The following TMEM123 variants were observed in gnomAD, a reference collection of about 807,000 sequenced individuals.
TMEM123 encodes porimin.
Under a neutral mutation model 19.7 loss-of-function variants are expected in TMEM123, and 16 were observed. The ratio of observed to expected loss-of-function variants is 0.81; its 90% CI spans 0.55 to 1.23. The LOEUF is 1.23. Among genes scored for constraint, TMEM123 ranks in the 50% most tolerant of loss-of-function variants. The probability of loss-of-function intolerance (pLI) is 0.00; values close to 1 mark genes in which losing one functional copy is unlikely to be tolerated. For missense variants in TMEM123, 313 were observed against 257.8 expected (o/e 1.21, Z -1.47); for synonymous variants, 118 against 99.4 (o/e 1.19, Z -1.12).
At chr11:102,448,158 T>C in intron 2 of TMEM123, 1 of 448,530 alleles carries the variant, frequency 2.2e-6, no homozygotes, top group African/African-American at 2.0e-5. Flanking sequence ...TGTACCTTTT[T>C]CTAGTTTCCA....
At position 102,401,465 on chromosome 11, in the gene TMEM123, G is replaced by T. The variant is rs558461906; in HGVS notation, c.602+74C>A. 1.2e-4 allele frequency: 166 copies of T among 1,366,072 alleles called. No homozygotes were observed. The African/African-American group carries it at 2.2e-3, about 18-fold the overall frequency. The allele number at this position is 1,366,072 out of a possible 1,614,324, so 84.6% of individuals were successfully genotyped here. ...TTATTCATCCCTGAGATGAGCACTG[G>T]CTTGATATTCTATCATAATTAAAGA... On this transcript the variant is annotated intron_variant, in intron 4 of 4. Transcript: ENST00000398136.
At chr11:102,444,721 CAT>C (rs762975971) in intron 2 of TMEM123, among the ~76,000 whole-genome samples, 71 of 151,930 alleles carry the variant, frequency 4.7e-4, no homozygotes, top group African/African-American at 7.7e-4. Flanking sequence ...CATGCACACA[CAT>C]GTTTATTGCA....
chr11:102,431,768 T>C (rs973349048), intron 2 of TMEM123, among the ~76,000 whole-genome samples: 1 of 152,224 alleles, frequency 6.6e-6, no homozygotes, highest in African/African-American at 2.4e-5. Context: ...AAATCTCATC[T>C]TGAATTGTAA....
At chr11:102,447,675 A>G (rs1490674059) in intron 2 of TMEM123, among the ~76,000 whole-genome samples, 1 of 152,210 alleles carries the variant, frequency 6.6e-6, no homozygotes, top group African/African-American at 2.4e-5. Flanking sequence ...CCCTCTCACA[A>G]CTACCCAATG....
chr11:102,418,292 C>T (rs1029545738), intron 2 of TMEM123, among the ~76,000 whole-genome samples: 6 of 152,046 alleles, frequency 3.9e-5, no homozygotes, highest in African/African-American at 1.2e-4. Flanking sequence ...ATGCATCTGA[C>T]AAAGGTCTAA....
chr11:102,452,726 G>C lies in TMEM123; in HGVS notation c.-103C>G, dbSNP rs1443162969. Reference sequence around the variant, plus strand: ...CCGGCGCCGGCTCCGCTTCCCCTTCGGCCGCGCACGTTTCCCCTCCCGCCG... The same window carrying C: ...CCGGCGCCGGCTCCGCTTCCCCTTCCGCCGCGCACGTTTCCCCTCCCGCCG... On this transcript the variant is annotated 5_prime_UTR_variant, in exon 1 of 5. Coordinates refer to ENST00000398136, the MANE Select transcript of TMEM123 (RefSeq NM_052932.3). The C allele has an allele frequency of 1.0e-5, 9 of 892,296 alleles. No individual in the cohort carries two copies. In the East Asian group the frequency reaches 2.7e-4, roughly 27 times the overall value. The allele number at this position is 892,296 out of a possible 1,614,324, so 55.3% of individuals were successfully genotyped here. A position where few individuals can be genotyped will look rare whatever the true frequency, so the allele number is the denominator to read the frequency against.
rs1951868147 is a variant in TMEM123 at position 102,397,578 on chromosome 11, ACTT to A, written c.*1286_*1288del. On this transcript the variant is annotated 3_prime_UTR_variant, in exon 5 of 5. Transcript: ENST00000398136. ...CCATTAACATAATGCATCTGAGAGT[ACTT>A]CTCCTTCAGCATGGAGTAAGAGGAG... 1 of 152,204 alleles carries A rather than the reference ACTT, an allele frequency of 6.6e-6. No individual in the cohort carries two copies. The highest frequency in any genetic ancestry group is 1.5e-5 in the Non-Finnish European group (1 of 68,020). 9.4% of individuals were successfully genotyped at this position (152,204 alleles called of 1,614,324 possible).
At chr11:102,439,796 A>C (rs1857805369) in intron 2 of TMEM123, among the ~76,000 whole-genome samples, 2 of 152,252 alleles carry the variant, frequency 1.3e-5, no homozygotes, top group East Asian at 1.9e-4. Context: ...AAGAAGCTAA[A>C]AACCTTGAAA....
In TMEM123 at chr11:102,452,732, G is replaced by T; in HGVS notation, c.-109C>A. 5.9e-6 allele frequency: 5 copies of T among 845,742 alleles called. No homozygotes were observed. The South Asian group carries it at 9.4e-5, about 16-fold the overall frequency. The allele number at this position is 845,742 out of a possible 1,614,324, so 52.4% of individuals were successfully genotyped here. A position where few individuals can be genotyped will look rare whatever the true frequency, so the allele number is the denominator to read the frequency against. On this transcript the variant is annotated 5_prime_UTR_variant, in exon 1 of 5. Coordinates refer to ENST00000398136, the MANE Select transcript of TMEM123 (RefSeq NM_052932.3). ...CCGGCTCCGCTTCCCCTTCGGCCGCGCACGTTTCCCCTCCCGCCGCTTGCC... is the reference window on the plus strand; with the variant it reads ...CCGGCTCCGCTTCCCCTTCGGCCGCTCACGTTTCCCCTCCCGCCGCTTGCC...
intron 2 of TMEM123, among the ~76,000 whole-genome samples, chr11:102,416,096 G>A (rs1255492968): frequency 6.6e-6 from 1 of 152,060 alleles, no homozygotes; most frequent in Admixed American, 6.5e-5. Context: ...TGTATTTTTA[G>A]TAGAGACAGA....
At chr11:102,421,516 C>G (rs1952086866) in intron 2 of TMEM123, among the ~76,000 whole-genome samples, 1 of 149,050 alleles carries the variant, frequency 6.7e-6, no homozygotes, top group South Asian at 2.1e-4. Context: ...GATATTCAGT[C>G]AGCAAAAAAA....
intron 2 of TMEM123, among the ~76,000 whole-genome samples, chr11:102,418,191 G>A (rs1952057159): frequency 6.6e-6 from 1 of 152,056 alleles, no homozygotes; most frequent in South Asian, 2.1e-4. Context: ...GTTGAAAAGT[G>A]CAACCTAATT....
At chr11:102,410,243 TA>T (rs1185613407) in intron 2 of TMEM123, among the ~76,000 whole-genome samples, 1 of 152,136 alleles carries the variant, frequency 6.6e-6, no homozygotes, top group Non-Finnish European at 1.5e-5. Flanking sequence ...CGATGAGAAC[TA>T]ACAACCGAGA....
At chr11:102,417,741 ATAC>A (rs1952053294) in intron 2 of TMEM123, among the ~76,000 whole-genome samples, 2 of 152,342 alleles carry the variant, frequency 1.3e-5, no homozygotes, top group South Asian at 4.1e-4. Context: ...ACTTTAAACT[ATAC>A]TACAAGACTA....
In TMEM123 at chr11:102,452,628, C is replaced by T. The variant is rs1273089177; in HGVS notation, c.-5G>A. On this transcript the variant is annotated 5_prime_UTR_variant, in exon 1 of 5. Coordinates refer to ENST00000398136, the MANE Select transcript of TMEM123 (RefSeq NM_052932.3). ...ACCTCGCGCGCCGAGTCCCATTGTT[C>T]CGAGGGCAGGATGCGGCAGCCTCGT... The T allele has an allele frequency of 4.6e-6, 7 of 1,530,028 alleles. No homozygotes were observed. Among genetic ancestry groups the T allele is most frequent in the Non-Finnish European group, 6.1e-6 (7 of 1,139,192 alleles). 94.8% of individuals were successfully genotyped at this position (1,530,028 alleles called of 1,614,324 possible).
At chr11:102,403,230 G>C (rs1402961911) in intron 2 of TMEM123, among the ~76,000 whole-genome samples, 1 of 152,156 alleles carries the variant, frequency 6.6e-6, no homozygotes, top group Non-Finnish European at 1.5e-5. Context: ...GGCTGGTCTT[G>C]AACTCCTGAC....
At chr11:102,428,896 G>C (rs2135856494) in intron 2 of TMEM123, among the ~76,000 whole-genome samples, 1 of 152,258 alleles carries the variant, frequency 6.6e-6, no homozygotes, top group South Asian at 2.1e-4. Context: ...ACTGACTGTG[G>C]CTATGTGGCC....
chr11:102,450,903 T>C (rs774239424), intron 1 of TMEM123, among the ~76,000 whole-genome samples: 1 of 152,206 alleles, frequency 6.6e-6, no homozygotes, highest in Non-Finnish European at 1.5e-5. Flanking sequence ...TGTATACAGA[T>C]TACACTATAC....
chr11:102,411,331 C>T (rs1036635267), intron 2 of TMEM123, among the ~76,000 whole-genome samples: 11 of 152,236 alleles, frequency 7.2e-5, no homozygotes, highest in East Asian at 1.9e-4. Flanking sequence ...CGAAGCTCTG[C>T]GCACCATTCC....
Sources: gnomAD v4.1 joint callset for allele counts (sites outside exome capture counted in the v4.1 genomes callset) on GRCh38, gnomAD v4.1.1 for gene constraint, MANE v1.5 for transcripts, NCBI Gene and HGNC (gene_info 2026-07-23, HGNC 2026-07-21) for gene names.